UEVLD: variants seen among roughly 807,000 people sequenced by gnomAD.
The protein encoded by UEVLD is ubiquitin-conjugating enzyme E2 variant 3.
A neutral mutation model predicts 58.6 loss-of-function variants in UEVLD; 47 were observed. The observed-to-expected ratio is 0.80, with a 90% CI of 0.63 to 1.02. UEVLD has a LOEUF of 1.02. Ranked by LOEUF, UEVLD falls within the 50% of genes least tolerant of loss-of-function variation. UEVLD has a pLI of 0.00. For missense variants in UEVLD, 510 were observed against 550.6 expected (o/e 0.93, Z 0.74); for synonymous variants, 197 against 195.3 (o/e 1.01, Z -0.07).
chr11:18,558,895 A>G (rs1313252901), intron 6 of UEVLD, among the ~76,000 whole-genome samples: 2 of 152,038 alleles, frequency 1.3e-5, no homozygotes, highest in Admixed American at 6.6e-5. Flanking sequence ...TCTTTTGAGA[A>G]CAGCATTTCA....
intron 6 of UEVLD, among the ~76,000 whole-genome samples, chr11:18,560,627 T>C (rs183509008): frequency 3.3e-5 from 5 of 152,216 alleles, no homozygotes; most frequent in East Asian, 1.9e-4. Context: ...CGAGACAATA[T>C]AGTGGTTTAT....
At chr11:18,564,573 T>C (rs893372490) in intron 6 of UEVLD, among the ~76,000 whole-genome samples, 2 of 151,892 alleles carry the variant, frequency 1.3e-5, no homozygotes, top group Non-Finnish European at 2.9e-5. Flanking sequence ...CTAAAATTAC[T>C]ACATTAAATG....
Position 18,563,581 on chromosome 11 carries a change from A to C in UEVLD, c.612+1311T>G, listed in dbSNP as rs2134017502. 3 of 747,284 alleles carry C rather than the reference A, an allele frequency of 4.0e-6. No individual in the cohort carries two copies. The South Asian group carries it at 1.8e-4, about 46-fold the overall frequency. The allele number at this position is 747,284 out of a possible 1,614,324, so 46.3% of individuals were successfully genotyped here. ...ATTCCAGCCTGTGCAACAGAACATG[A>C]CCCTGTCTAAATAAAATAAAATAAT... On this transcript the variant is annotated intron_variant, in intron 6 of 11. Transcript: ENST00000396197.
chr11:18,570,670 T>G (rs931989666), intron 3 of UEVLD: 8 of 173,156 alleles, frequency 4.6e-5, no homozygotes, highest in Admixed American at 1.3e-4. Context: ...GACTTGAGCC[T>G]GGCAGGTGAA....
intron 9 of UEVLD, among the ~76,000 whole-genome samples, chr11:18,537,272 C>T: frequency 6.7e-6 from 1 of 150,030 alleles, no homozygotes; most frequent in South Asian, 2.1e-4. Context: ...AAAAACAATT[C>T]AAAACTTCAA....
At chr11:18,579,715 A>G (rs1853129831) in intron 1 of UEVLD, among the ~76,000 whole-genome samples, 1 of 152,232 alleles carries the variant, frequency 6.6e-6, no homozygotes, top group Non-Finnish European at 1.5e-5. Context: ...CTCATCTGCA[A>G]AAATAAATAA....
At chr11:18,539,197 G>C (rs751994613) in intron 9 of UEVLD, 10 of 143,832 alleles carry the variant, frequency 7.0e-5, no homozygotes, top group Non-Finnish European at 7.5e-5. Context: ...TCAGCCTCCC[G>C]AGTAGCTGGG....
In UEVLD at chr11:18,566,560, T is replaced by C. The variant is rs566745885; in HGVS notation, c.358-78A>G. The C allele has an allele frequency of 4.7e-6, 7 of 1,489,898 alleles. No homozygotes were observed. In the African/African-American group the frequency reaches 8.4e-5, roughly 18 times the overall value. The allele number at this position is 1,489,898 out of a possible 1,614,324, so 92.3% of individuals were successfully genotyped here. On this transcript the variant is annotated intron_variant, in intron 4 of 11. Coordinates refer to ENST00000396197, the MANE Select transcript of UEVLD (RefSeq NM_001040697.4). Reference sequence around the variant, plus strand: ...ACTACCTTTGTTGAGGCAGGAGTATTACTTGAGCCCAGGAGTTTCAGATGC... The same window carrying C: ...ACTACCTTTGTTGAGGCAGGAGTATCACTTGAGCCCAGGAGTTTCAGATGC...
At chr11:18,555,824 C>T (rs1404068065) in intron 7 of UEVLD, among the ~76,000 whole-genome samples, 1 of 152,048 alleles carries the variant, frequency 6.6e-6, no homozygotes, top group Non-Finnish European at 1.5e-5. Flanking sequence ...TGGCACATGC[C>T]TGTAGTCCAA....
chr11:18,566,403 G>A lies in UEVLD; in HGVS notation c.437C>T (p.Ser146Leu). The part of the protein sequence containing the change: ...QEELPMYSLS[S>L]SDEARQVDLL... ...GTCTACCTGCCGTGCCTCATCAGAT[G>A]ATGATAGAGAATACATGGGAAGTTC... Residue 146 changes from serine (S) to leucine (L), a missense_variant, in exon 5 of 12, where the codon TCA (serine) becomes TTA (leucine). Transcript: ENST00000396197. The A allele has an allele frequency of 6.2e-7, 1 of 1,614,122 alleles. No homozygotes were observed. Among genetic ancestry groups the A allele is most frequent in the Non-Finnish European group, 8.5e-7 (1 of 1,180,022 alleles).
rs552410614 is a variant in UEVLD, at chr11:18,578,603, A to G, written c.127+121T>C. ...CTTTCTCAGAAATTGCAGGTCATAA[A>G]GTATAGCTGAAAATCAGAGGATAAA... On this transcript the variant is annotated intron_variant, in intron 2 of 11. Transcript: ENST00000396197. 59 of 708,054 alleles carry G rather than the reference A, an allele frequency of 8.3e-5. No homozygotes were observed. In the South Asian group the frequency reaches 9.5e-4, roughly 11 times the overall value. 43.9% of individuals were successfully genotyped at this position (708,054 alleles called of 1,614,324 possible). A position where few individuals can be genotyped will look rare whatever the true frequency, so the allele number is the denominator to read the frequency against.
chr11:18,569,734 A>G (rs1852495772), intron 4 of UEVLD, among the ~76,000 whole-genome samples: 1 of 152,216 alleles, frequency 6.6e-6, no homozygotes, highest in South Asian at 2.1e-4. Context: ...ACATAAAACA[A>G]ATACTACAGT....
chr11:18,563,102 C>CAAAAA (rs1852124052), intron 6 of UEVLD, among the ~76,000 whole-genome samples: 1 of 122,868 alleles, frequency 8.1e-6, no homozygotes, highest in Admixed American at 8.1e-5. Context: ...CTTGTGCTTA[C>CAAAAA]CAAAAAAAAA....
chr11:18,557,140 GTTTTGTTTTTGT>G (rs935923202), intron 7 of UEVLD, among the ~76,000 whole-genome samples: 64 of 150,090 alleles, frequency 4.3e-4, no homozygotes, highest in African/African-American at 1.2e-3. Context: ...CATTTCAAAC[GTTTTGTTTTTGT>G]TTTTGTTTTT....
chr11:18,564,055 A>G (rs569384169), intron 6 of UEVLD: 17 of 277,466 alleles, frequency 6.1e-5, no homozygotes, highest in Non-Finnish European at 1.2e-4. Flanking sequence ...TGGAGGGTGA[A>G]AGAAATAAAA....
chr11:18,562,175 C>T (rs532329807), intron 6 of UEVLD, among the ~76,000 whole-genome samples: 1 of 152,056 alleles, frequency 6.6e-6, no homozygotes, highest in South Asian at 2.1e-4. Context: ...GCCTCAACCT[C>T]CCAGGCTCAA....
Position 18,544,630 on chromosome 11 carries a change from T to G in UEVLD, c.1053A>C (p.Glu351Asp). 6.3e-7 allele frequency: 1 copy of G among 1,589,794 alleles called. No homozygotes were observed. The highest frequency in any genetic ancestry group is 8.5e-7 in the Non-Finnish European group (1 of 1,171,624). ...TAAAAACGTACTTCTTACCTTTGTC[T>G]TCTCCTTGCTCGCCAATAACCCATA... ...KEVWVIGEQG[E>D]DKVLTWSGQE... The change falls in exon 9 of 12, where the codon GAA (glutamate) becomes GAC (aspartate). Residue 351 changes from glutamate (E) to aspartate (D), a missense_variant. Physicochemically the swap from Glu to Asp is conservative, Grantham distance 45. Transcript: ENST00000396197.
chr11:18,546,919 A>G lies in UEVLD; in HGVS notation c.847T>C (p.Tyr283His), dbSNP rs748113326. The change falls in exon 8 of 12, where the codon TAT (tyrosine) becomes CAT (histidine). Residue 283 changes from tyrosine to histidine, a missense_variant. Tyr to His is a moderately conservative substitution (Grantham distance 83). Coordinates refer to ENST00000396197, the MANE Select transcript of UEVLD (RefSeq NM_001040697.4). ...ACGAGCAGGACACTGTGTTGACTAT[A>G]ATGTCCCAGAGCTGGGACAAGGGCT... ...FRALVPALGH[Y>H]SQHSVLLVAS... 1 of 1,613,840 alleles carries G rather than the reference A, an allele frequency of 6.2e-7. No homozygotes were observed. The highest frequency in any genetic ancestry group is 8.5e-7 in the Non-Finnish European group (1 of 1,179,970).
chr11:18,570,380 A>AT lies in UEVLD; in HGVS notation c.194-4dup. On this transcript the variant is annotated splice_polypyrimidine_tract_variant and splice_region_variant and intron_variant, in intron 3 of 11. Coordinates refer to ENST00000396197, the MANE Select transcript of UEVLD (RefSeq NM_001040697.4). Reference sequence around the variant, plus strand: ...AATTGGTATGTTATATGTATTACCTATTTGAGACAAAAGAAACATATCTTC... The same window carrying AT: ...AATTGGTATGTTATATGTATTACCTATTTTGAGACAAAAGAAACATATCTTC... The AT allele has an allele frequency of 1.3e-6, 2 of 1,517,812 alleles. No homozygotes were observed. Among genetic ancestry groups the AT allele is most frequent in the Non-Finnish European group, 1.8e-6 (2 of 1,139,668 alleles). 94.0% of individuals were successfully genotyped at this position (1,517,812 alleles called of 1,614,324 possible). A position where few individuals can be genotyped will look rare whatever the true frequency, so the allele number is the denominator to read the frequency against.
Sources: gnomAD v4.1 joint callset for allele counts (sites outside exome capture counted in the v4.1 genomes callset) on GRCh38, gnomAD v4.1.1 for gene constraint, MANE v1.5 for transcripts, NCBI Gene and HGNC (gene_info 2026-07-23, HGNC 2026-07-21) for gene names.